Variants in LRMDA observed in about 807,000 individuals in gnomAD.
The protein encoded by LRMDA is leucine-rich melanocyte differentiation-associated protein.
LRMDA carries 18 observed loss-of-function variants against 29.8 expected under a neutral mutation model. That is an observed-to-expected ratio of 0.60 (90% confidence interval 0.42 to 0.90). LRMDA has a LOEUF of 0.90. LRMDA is among the 40% of genes least tolerant of loss of function. The pLI, the probability that LRMDA is intolerant of heterozygous loss-of-function variation, is 0.00. For missense variants in LRMDA, 273 were observed against 273.9 expected, an observed-to-expected ratio of 1.00 and a Z score of 0.02; for synonymous variants, 125 against 109.4, an observed-to-expected ratio of 1.14 and a Z score of -0.89.
At chr10:75,744,469 C>A (rs1842867366) in intron 2 of LRMDA, among the ~76,000 whole-genome samples, 1 of 152,182 alleles carries the variant, frequency 6.6e-6, no homozygotes, top group African/African-American at 2.4e-5. Context: ...TTGCATCATT[C>A]TGTCTACTTG....
intron 3 of LRMDA, among the ~76,000 whole-genome samples, chr10:76,037,119 T>G (rs537214159): frequency 6.6e-6 from 1 of 152,354 alleles, no homozygotes; most frequent in African/African-American, 2.4e-5. Flanking sequence ...CTTTTCCATT[T>G]ACCTAGACAT....
intron 5 of LRMDA, among the ~76,000 whole-genome samples, chr10:76,192,990 T>G (rs1050619946): frequency 1.4e-4 from 21 of 152,218 alleles, no homozygotes; most frequent in Non-Finnish European, 2.8e-4. Flanking sequence ...TTATAAAATG[T>G]TTTTAAGTAT....
In LRMDA at chr10:76,326,636, C is replaced by G. The variant is rs117122186; in HGVS notation, c.601+2151C>G. 5.3e-4 allele frequency among the ~76,000 whole-genome samples: 80 copies of G among 152,320 alleles called. 1 individual carries two copies. The East Asian group carries it at 0.013, about 25-fold the overall frequency. On this transcript the variant is annotated intron_variant, in intron 6 of 6. Transcript: ENST00000611255. ...GTTCCCAATCTCTTTTCCTTCCACACCAACAACTACAAAAACTGGCGGGCA... is the reference window on the plus strand; with the variant it reads ...GTTCCCAATCTCTTTTCCTTCCACAGCAACAACTACAAAAACTGGCGGGCA...
intron 2 of LRMDA, among the ~76,000 whole-genome samples, chr10:75,846,065 G>C (rs190825621): frequency 1.3e-5 from 2 of 152,182 alleles, no homozygotes; most frequent in East Asian, 1.9e-4. Context: ...GGCTTATGAA[G>C]AATCTCCATG....
At chr10:75,995,250 CT>C (rs1343762860) in intron 2 of LRMDA, among the ~76,000 whole-genome samples, 1 of 152,170 alleles carries the variant, frequency 6.6e-6, no homozygotes. Flanking sequence ...TTCCTGCCTC[CT>C]TTCAGAAGGC....
intron 2 of LRMDA, among the ~76,000 whole-genome samples, chr10:75,537,089 T>C (rs550626884): frequency 3.7e-4 from 57 of 152,218 alleles, no homozygotes; most frequent in Non-Finnish European, 7.5e-4. Flanking sequence ...AGTGAACTTT[T>C]ATGCCCAAAC....
Position 76,243,477 on chromosome 10 carries a change from G to A in LRMDA, c.517-80924G>A, listed in dbSNP as rs571618632. On this transcript the variant is annotated intron_variant, in intron 5 of 6. Transcript: ENST00000611255. The stretch of plus-strand genomic sequence containing the variant: ...GCTATTTTACTCTTGCAAAAGGAGG[G>A]CTGAGCTATACAAAGGAGTCAATCA... Among the ~76,000 whole-genome samples, 6 of 152,288 alleles carry A rather than the reference G, an allele frequency of 3.9e-5. No individual in the cohort carries two copies. The South Asian group carries it at 1.2e-3, about 32-fold the overall frequency.
chr10:76,316,286 C>T (rs1166595382), intron 5 of LRMDA, among the ~76,000 whole-genome samples: 3 of 152,186 alleles, frequency 2.0e-5, no homozygotes. Flanking sequence ...ATGGTGGAAG[C>T]TACTTGCAGG....
chr10:75,459,226 G>T (rs1205692344), intron 2 of LRMDA, among the ~76,000 whole-genome samples: 1 of 152,138 alleles, frequency 6.6e-6, no homozygotes, highest in Non-Finnish European at 1.5e-5. Context: ...TTGAGGCCAA[G>T]AGTTTGAGAC....
intron 6 of LRMDA, among the ~76,000 whole-genome samples, chr10:76,426,120 T>C (rs962008042): frequency 2.0e-5 from 3 of 152,216 alleles, no homozygotes; most frequent in African/African-American, 7.2e-5. Flanking sequence ...ATATAGCCAG[T>C]AATGGGATGG....
chr10:75,623,058 A>T (rs1277675772), intron 2 of LRMDA, among the ~76,000 whole-genome samples: 1 of 152,248 alleles, frequency 6.6e-6, no homozygotes, highest in South Asian at 2.1e-4. Context: ...ATTCTTTCAA[A>T]TATATAACTC....
intron 5 of LRMDA, among the ~76,000 whole-genome samples, chr10:76,149,568 A>G (rs1850399052): frequency 6.6e-6 from 1 of 152,198 alleles, no homozygotes; most frequent in Non-Finnish European, 1.5e-5. Context: ...TGATATTTCC[A>G]ATACCTAAGT....
chr10:76,217,767 T>C (rs925188747), intron 5 of LRMDA, among the ~76,000 whole-genome samples: 1 of 152,212 alleles, frequency 6.6e-6, no homozygotes, highest in Non-Finnish European at 1.5e-5. Flanking sequence ...ATATCCTCAA[T>C]AGGAGCCTCA....
chr10:76,505,923 A>C (rs1010434258), intron 6 of LRMDA, among the ~76,000 whole-genome samples: 12 of 152,066 alleles, frequency 7.9e-5, no homozygotes, highest in African/African-American at 2.7e-4. Flanking sequence ...GTTGAGTATA[A>C]TCAATTGGCT....
At chr10:75,601,070 G>T (rs1435527733) in intron 2 of LRMDA, among the ~76,000 whole-genome samples, 1 of 152,192 alleles carries the variant, frequency 6.6e-6, no homozygotes, top group Non-Finnish European at 1.5e-5. Context: ...TCATTCATGT[G>T]ATTTGTTATT....
At chr10:75,692,906 A>G (rs1842189506) in intron 2 of LRMDA, among the ~76,000 whole-genome samples, 1 of 152,032 alleles carries the variant, frequency 6.6e-6, no homozygotes, top group Non-Finnish European at 1.5e-5. Context: ...GCATGATTTT[A>G]TGGCTTGGGA....
rs998107816 is a variant in LRMDA, at chr10:76,334,247, C to G, written c.601+9762C>G. Among the ~76,000 whole-genome samples, 4 of 152,332 alleles carry G rather than the reference C, an allele frequency of 2.6e-5. No individual in the cohort carries two copies. In the South Asian group the frequency reaches 8.3e-4, roughly 32 times the overall value. On this transcript the variant is annotated intron_variant, in intron 6 of 6. Coordinates refer to ENST00000611255, the MANE Select transcript of LRMDA (RefSeq NM_001305581.2). ...GGTCTAAATTGTTCAGCCGTGAGCT[C>G]GGCCCAGTATTAACTTCCTAGTCCC...
intron 6 of LRMDA, among the ~76,000 whole-genome samples, chr10:76,363,125 G>GAAAGAAAGA (rs1841332776): frequency 6.0e-5 from 1 of 16,738 alleles, no homozygotes; most frequent in Non-Finnish European, 1.2e-4. Context: ...AGGAAAGAAA[G>GAAAGAAAGA]AAAGAAAGAA....
intron 2 of LRMDA, among the ~76,000 whole-genome samples, chr10:75,811,979 G>A (rs1252062035): frequency 6.6e-6 from 1 of 152,076 alleles, no homozygotes; most frequent in Non-Finnish European, 1.5e-5. Context: ...CCGCTGTGAT[G>A]CCCACCCTGG....
Sources: allele counts gnomAD v4.1 joint callset (sites outside exome capture counted in the v4.1 genomes callset), GRCh38; gene constraint gnomAD v4.1.1; transcripts MANE v1.5; gene names NCBI Gene and HGNC (gene_info 2026-07-23, HGNC 2026-07-21).